SH3RF2: variants seen among roughly 807,000 people sequenced by gnomAD.
SH3RF2 encodes SH3 domain containing ring finger 2.
In SH3RF2, 43 loss-of-function variants were observed where a neutral mutation model predicts 59.0. The ratio of observed to expected loss-of-function variants is 0.73; its 90% CI spans 0.57 to 0.94. The LOEUF (loss-of-function observed/expected upper bound fraction) is 0.94. Among genes scored for constraint, SH3RF2 ranks in the 40% least tolerant of loss-of-function variants. The probability of loss-of-function intolerance (pLI) is 0.00; values close to 1 mark genes in which losing one functional copy is unlikely to be tolerated. For missense variants in SH3RF2, 930 were observed against 940.1 expected (o/e 0.99, Z 0.14); for synonymous variants, 391 against 391.5 (o/e 1.00, Z 0.01).
chr5:145,991,042 C>A (rs1254207140), intron 2 of SH3RF2, among the ~76,000 whole-genome samples: 1 of 152,204 alleles, frequency 6.6e-6, no homozygotes. Flanking sequence ...TTACAACCAG[C>A]AGCAAGCAAA....
chr5:145,998,252 G>A (rs1760247295), intron 2 of SH3RF2, among the ~76,000 whole-genome samples: 1 of 145,556 alleles, frequency 6.9e-6, no homozygotes, highest in Non-Finnish European at 1.5e-5. Context: ...GTATTAGCTT[G>A]AATTTAATGA....
At chr5:145,999,894 G>A (rs1050749197) in intron 2 of SH3RF2, among the ~76,000 whole-genome samples, 164 bp from the exon 3 acceptor site, 1 of 152,202 alleles carries the variant, frequency 6.6e-6, no homozygotes, top group African/African-American at 2.4e-5. Context: ...GAATGGCGCT[G>A]ATAGACCTAT....
intron 7 of SH3RF2, among the ~76,000 whole-genome samples, chr5:146,053,190 G>A (rs1367346929): frequency 6.6e-6 from 1 of 152,202 alleles, no homozygotes; most frequent in African/African-American, 2.4e-5. Flanking sequence ...GGAAAAGGCT[G>A]TTGTGCTATT....
chr5:146,040,990 GC>G (rs1762104575), intron 5 of SH3RF2, among the ~76,000 whole-genome samples: 1 of 152,022 alleles, frequency 6.6e-6, no homozygotes, highest in Non-Finnish European at 1.5e-5. Context: ...CTGTCCACGA[GC>G]ATAAACACAC....
intron 2 of SH3RF2, among the ~76,000 whole-genome samples, chr5:145,975,023 C>A (rs1269976019): frequency 6.6e-6 from 1 of 152,176 alleles, no homozygotes; most frequent in East Asian, 1.9e-4. Context: ...AGTTTCAGAA[C>A]CTGGAACCAA....
chr5:146,031,324 G>A (rs938759610), intron 5 of SH3RF2, among the ~76,000 whole-genome samples: 1 of 152,210 alleles, frequency 6.6e-6, no homozygotes, highest in Non-Finnish European at 1.5e-5. Context: ...CTGGCATGAA[G>A]AGATGGTTAG....
intron 6 of SH3RF2, among the ~76,000 whole-genome samples, chr5:146,048,613 G>T (rs1762385784): frequency 6.6e-6 from 1 of 152,192 alleles, no homozygotes; most frequent in African/African-American, 2.4e-5. Flanking sequence ...AGTCCTTGGA[G>T]TCTGGAGGGA....
At chr5:145,941,676 G>A (rs972852022) in intron 2 of SH3RF2, among the ~76,000 whole-genome samples, 2 of 152,184 alleles carry the variant, frequency 1.3e-5, no homozygotes, top group Non-Finnish European at 2.9e-5. Context: ...GTGGACTTGG[G>A]TTTGAGAAAT....
chr5:145,973,305 C>T (rs747871704), intron 2 of SH3RF2, among the ~76,000 whole-genome samples: 3 of 152,086 alleles, frequency 2.0e-5, no homozygotes, highest in Non-Finnish European at 4.4e-5. Context: ...ATCTTGGGGA[C>T]AGTAGGGAGA....
At chr5:145,972,710 C>T (rs990595465) in intron 2 of SH3RF2, among the ~76,000 whole-genome samples, 1 of 152,140 alleles carries the variant, frequency 6.6e-6, no homozygotes, top group Non-Finnish European at 1.5e-5. Context: ...TTATGCCTTT[C>T]CAGGAGATAC....
intron 2 of SH3RF2, among the ~76,000 whole-genome samples, chr5:145,980,142 T>C (rs6876962): frequency 0.13 from 19,398 of 152,180 alleles, 1,392 homozygotes; most frequent in East Asian, 0.25. Flanking sequence ...ACATACATTT[T>C]CTTCTAGGAG....
At chr5:146,031,164 C>T (rs903749402) in intron 5 of SH3RF2, among the ~76,000 whole-genome samples, 6 of 152,168 alleles carry the variant, frequency 3.9e-5, no homozygotes. Context: ...ATCTGCACTT[C>T]CAAACAATTG....
chr5:146,079,780 C>T (rs1012718582), exon 10 of SH3RF2: 31 of 152,216 alleles, frequency 2.0e-4, no homozygotes, highest in African/African-American at 7.2e-4. Context: ...TGACAATACA[C>T]CACAAGAAGC....
intron 2 of SH3RF2, among the ~76,000 whole-genome samples, chr5:145,998,283 A>T (rs1358910100): frequency 3.7e-5 from 1 of 27,008 alleles, no homozygotes; most frequent in South Asian, 4.7e-3. Flanking sequence ...CCCATAGTTA[A>T]AAAAAAAAAA....
intron 5 of SH3RF2, among the ~76,000 whole-genome samples, chr5:146,036,755 G>A (rs1648820348): frequency 6.6e-6 from 1 of 152,174 alleles, no homozygotes; most frequent in Admixed American, 6.5e-5. Context: ...CCAACCAATG[G>A]GGAAAGCATA....
At chr5:146,047,959 T>A in intron 6 of SH3RF2, 96 bp downstream of exon 6, 1 of 1,215,130 alleles carries the variant, frequency 8.2e-7, no homozygotes, top group Non-Finnish European at 1.2e-6. Flanking sequence ...TCCCAAAACA[T>A]CCCATCCAGA....
chr5:146,052,620 T>G (rs1762538283), intron 7 of SH3RF2, among the ~76,000 whole-genome samples: 1 of 152,122 alleles, frequency 6.6e-6, no homozygotes, highest in Admixed American at 6.5e-5. Flanking sequence ...GATCAATGCT[T>G]TCACTGTGTT....
chr5:145,969,137 C>T (rs570992318), intron 2 of SH3RF2, among the ~76,000 whole-genome samples: 9 of 152,000 alleles, frequency 5.9e-5, no homozygotes, highest in Admixed American at 4.6e-4. Context: ...ATGCTGTTGC[C>T]AAACAGACAA....
At chr5:145,943,209 G>C (rs1757885060) in intron 2 of SH3RF2, among the ~76,000 whole-genome samples, 1 of 149,620 alleles carries the variant, frequency 6.7e-6, no homozygotes, top group Non-Finnish European at 1.5e-5. Context: ...CACACACACA[G>C]AAACATGCAG....
Sources: allele counts gnomAD v4.1 joint callset (sites outside exome capture counted in the v4.1 genomes callset), GRCh38; gene constraint gnomAD v4.1.1; transcripts MANE v1.5; gene names NCBI Gene and HGNC (gene_info 2026-07-23, HGNC 2026-07-21).